RRAGB: variants seen among roughly 807,000 people sequenced by gnomAD.
The protein encoded by RRAGB is ras-related GTP-binding protein B.
A neutral mutation model predicts 29.3 loss-of-function variants in RRAGB; 6 were observed. That is an observed-to-expected ratio of 0.21 (90% CI 0.11 to 0.40). The LOEUF (loss-of-function observed/expected upper bound fraction) is 0.40. Among genes scored for constraint, RRAGB ranks in the 10% least tolerant of loss-of-function variants. RRAGB has a pLI of 1.00. For missense variants in RRAGB, 184 were observed against 272.9 expected, an observed-to-expected ratio of 0.67 and a Z score of 2.29; for synonymous variants, 101 against 92.5, an observed-to-expected ratio of 1.09 and a Z score of -0.53.
chrX:55,744,643 A>G (rs1014427377), intron 5 of RRAGB, among the ~76,000 whole-genome samples: 1 of 111,712 alleles, frequency 9.0e-6, no homozygotes, highest in Admixed American at 9.5e-5. Context: ...TAGCAAACCA[A>G]GAACTGTTTC....
chrX:55,758,404 A>G lies in RRAGB; in HGVS notation c.*61A>G, dbSNP rs1028200493. 2 of 743,815 alleles carry G rather than the reference A, an allele frequency of 2.7e-6. No individual in the cohort carries two copies. The highest frequency in any genetic ancestry group is 6.0e-5 in the South Asian group (2 of 33,554). The allele number at this position is 743,815 out of a possible 1,213,427, so 61.3% of individuals were successfully genotyped here. On this transcript the variant is annotated 3_prime_UTR_variant, in exon 10 of 10. Transcript: ENST00000374941. The stretch of plus-strand genomic sequence containing the variant: ...GTTTCCTAATTAATGTTGTATTCAT[A>G]TATGTAGGCTCTGAAATGTTGTGAT...
Position 55,751,190 on chromosome X carries a change from C to T in RRAGB, c.606C>T (p.Leu202=). The T allele has an allele frequency of 3.6e-6, 4 of 1,124,432 alleles. No individual in the cohort carries two copies. The highest frequency in any genetic ancestry group is 3.7e-6 in the Non-Finnish European group (3 of 819,425). The allele number at this position is 1,124,432 out of a possible 1,213,427, so 92.7% of individuals were successfully genotyped here. A position where few individuals can be genotyped will look rare whatever the true frequency, so the allele number is the denominator to read the frequency against. ...GAACATCTATCTGGGATGAAACCCTCTATAAGGTGTGTATGTCTCCCTGAG... is the reference window on the plus strand; with the variant it reads ...GAACATCTATCTGGGATGAAACCCTTTATAAGGTGTGTATGTCTCCCTGAG... The part of the protein sequence containing the change: ...CFRTSIWDET[L]YKAWSSIVYQ... Residue 202 remains leucine, a synonymous_variant, in exon 6 of 10, where the codon CTC becomes CTT. Coordinates refer to ENST00000374941, the MANE Select transcript of RRAGB (RefSeq NM_006064.5).
At chrX:55,738,318 C>G (rs775451858) in intron 5 of RRAGB, among the ~76,000 whole-genome samples, 91 of 112,097 alleles carry the variant, frequency 8.1e-4, no homozygotes, top group Non-Finnish European at 1.3e-3. Context: ...GGCTGTGGGA[C>G]AGGTCTGCAG....
chrX:55,737,986 G>T (rs2033924107), intron 5 of RRAGB, among the ~76,000 whole-genome samples: 1 of 112,453 alleles, frequency 8.9e-6, no homozygotes, highest in Non-Finnish European at 1.9e-5. Flanking sequence ...TTGTGCTCGT[G>T]AGTGCAAAGA....
chrX:55,749,313 T>TG (rs1220486614), intron 5 of RRAGB, among the ~76,000 whole-genome samples: 12 of 59,096 alleles, frequency 2.0e-4, no homozygotes, highest in African/African-American at 4.9e-4. Context: ...GGGAGGGAGG[T>TG]GGGGGGGTCA....
chrX:55,753,662 T>C, intron 7 of RRAGB, 148 bp downstream of exon 7: 1 of 522,857 alleles, frequency 1.9e-6, no homozygotes. Flanking sequence ...AATAGTATTG[T>C]CAGCAAGTGA....
At chrX:55,739,775 C>G (rs1257831428) in intron 5 of RRAGB, among the ~76,000 whole-genome samples, 6 of 111,167 alleles carry the variant, frequency 5.4e-5, no homozygotes. Context: ...TGTTTCCAAG[C>G]AGGTGAGGTC....
intron 5 of RRAGB, among the ~76,000 whole-genome samples, chrX:55,741,416 C>T (rs2034067165): frequency 1.8e-5 from 2 of 111,708 alleles, no homozygotes; most frequent in Non-Finnish European, 1.9e-5. Context: ...TTTCCATATT[C>T]TAAAATAAAT....
At chrX:55,721,788 A>G (rs1466168207) in intron 2 of RRAGB, among the ~76,000 whole-genome samples, 7 of 112,438 alleles carry the variant, frequency 6.2e-5, no homozygotes, top group African/African-American at 2.3e-4. Context: ...AGAAGGAGGA[A>G]GAACTTTCAG....
intron 3 of RRAGB, among the ~76,000 whole-genome samples, chrX:55,723,847 C>T (rs1376782256): frequency 8.9e-6 from 1 of 112,398 alleles, no homozygotes; most frequent in East Asian, 2.8e-4. Context: ...TATGAGCCAC[C>T]ATGCCCGGCC....
intron 3 of RRAGB, among the ~76,000 whole-genome samples, chrX:55,724,298 T>A (rs1425011150): frequency 8.9e-6 from 1 of 112,344 alleles, no homozygotes; most frequent in Non-Finnish European, 1.9e-5. Context: ...ACCCTTTGTT[T>A]GTTAACTGTG....
intron 2 of RRAGB, among the ~76,000 whole-genome samples, chrX:55,719,703 C>T (rs938083552): frequency 8.9e-6 from 1 of 112,095 alleles, no homozygotes; most frequent in Non-Finnish European, 1.9e-5. Flanking sequence ...TTAATTTGCA[C>T]TTTGTGTAAG....
rs376219725 is a variant in RRAGB, at chrX:55,727,378, A to G, written c.227-1916A>G. Reference sequence around the variant, plus strand: ...CTACTCTCTCGTAGACTCTGTTGGAAATACAAAGACATGTAAGATATGATT... The same window carrying G: ...CTACTCTCTCGTAGACTCTGTTGGAGATACAAAGACATGTAAGATATGATT... On this transcript the variant is annotated intron_variant, in intron 3 of 9. Transcript: ENST00000374941. 49 of 828,879 alleles carry G rather than the reference A, an allele frequency of 5.9e-5. No homozygotes were observed. Among genetic ancestry groups the G allele is most frequent in the Non-Finnish European group, 8.7e-5 (48 of 548,909 alleles). The allele number at this position is 828,879 out of a possible 1,213,427, so 68.3% of individuals were successfully genotyped here.
At chrX:55,744,209 C>G (rs1418300344) in intron 5 of RRAGB, among the ~76,000 whole-genome samples, 1 of 107,955 alleles carries the variant, frequency 9.3e-6, no homozygotes, top group Non-Finnish European at 1.9e-5. Flanking sequence ...GCCAACATGG[C>G]AAAACCCCAT....
At chrX:55,732,275 C>G (rs1415408334) in intron 5 of RRAGB, among the ~76,000 whole-genome samples, 2 of 111,965 alleles carry the variant, frequency 1.8e-5, no homozygotes, top group Middle Eastern at 4.2e-3. Flanking sequence ...CTGTGAGACT[C>G]CAGGATTGGC....
intron 5 of RRAGB, among the ~76,000 whole-genome samples, chrX:55,749,918 G>C (rs1290021062): frequency 9.1e-6 from 1 of 109,958 alleles, no homozygotes; most frequent in East Asian, 2.9e-4. Context: ...AGGGTCCTCT[G>C]CCTAGGAAAA....
intron 3 of RRAGB, among the ~76,000 whole-genome samples, chrX:55,722,746 T>A (rs1013071826): frequency 5.2e-4 from 58 of 112,230 alleles, no homozygotes; most frequent in African/African-American, 1.8e-3. Flanking sequence ...CTCTGCTACT[T>A]CTTTTCCTGG....
At chrX:55,748,911 G>T (rs1379718156) in intron 5 of RRAGB, among the ~76,000 whole-genome samples, 1 of 100,305 alleles carries the variant, frequency 1.0e-5, no homozygotes, top group Non-Finnish European at 2.0e-5. Context: ...GGAGGGAGGT[G>T]GGGGGGTCAG....
chrX:55,755,277 G>A (rs1352780452), intron 7 of RRAGB: 1 of 750,853 alleles, frequency 1.3e-6, no homozygotes, highest in Non-Finnish European at 1.6e-6. Context: ...TAATACTTGT[G>A]TGGTTTTATT....
Sources: gnomAD v4.1 joint callset for allele counts (sites outside exome capture counted in the v4.1 genomes callset) on GRCh38, gnomAD v4.1.1 for gene constraint, MANE v1.5 for transcripts, NCBI Gene and HGNC (gene_info 2026-07-23, HGNC 2026-07-21) for gene names.